OPHN1: variants seen among roughly 807,000 people sequenced by gnomAD.
OPHN1 encodes oligophrenin-1.
Under a neutral mutation model 60.7 loss-of-function variants are expected in OPHN1, and 11 were observed. That is an observed-to-expected ratio of 0.18 (90% CI 0.11 to 0.30). The LOEUF is 0.30. OPHN1 is among the 10% of genes least tolerant of loss of function. The pLI, the probability that OPHN1 is intolerant of heterozygous loss-of-function variation, is 1.00. For synonymous variants in OPHN1, 226 were observed against 222.6 expected, an observed-to-expected ratio of 1.02 and a Z score of -0.14; for missense variants, 449 against 611.0, an observed-to-expected ratio of 0.73 and a Z score of 2.80.
At chrX:68,077,012 G>A (rs5918810) in intron 19 of OPHN1, among the ~76,000 whole-genome samples, 54,759 of 110,520 alleles carry the variant, frequency 0.5, 11,666 homozygotes, top group South Asian at 0.72. Context: ...GTGTGGGAGT[G>A]GCCTGGAGAG....
At chrX:68,187,463 A>G (rs760826227) in intron 15 of OPHN1, among the ~76,000 whole-genome samples, 1 of 108,353 alleles carries the variant, frequency 9.2e-6, no homozygotes, top group South Asian at 4.3e-4. Context: ...TGAGACAAGG[A>G]AAGTTCTAGA....
chrX:68,154,936 T>C (rs1250239741), intron 15 of OPHN1, among the ~76,000 whole-genome samples: 2 of 107,214 alleles, frequency 1.9e-5, no homozygotes, highest in Non-Finnish European at 3.8e-5. Flanking sequence ...CTATTAAAGG[T>C]GAAGTCTATG....
chrX:68,113,983 A>AAG lies in OPHN1; in HGVS notation c.1362-745_1362-744insCT, dbSNP rs368004924. Among the ~76,000 whole-genome samples the AAG allele has an allele frequency of 1.1e-4, 7 of 63,747 alleles. No homozygotes were observed. The East Asian group carries it at 2.9e-3, about 26-fold the overall frequency. 55.4% of individuals were successfully genotyped at this position (63,747 alleles called of 115,157 possible). ...GTATAATAATAATAAAAAAAAAAAG[A>AAG]AAAAAAAAAACATTGGCTGAGCATT... On this transcript the variant is annotated intron_variant, in intron 16 of 24. Coordinates refer to ENST00000355520, the MANE Select transcript of OPHN1 (RefSeq NM_002547.3).
chrX:68,093,053 A>G (rs781524136), intron 19 of OPHN1, among the ~76,000 whole-genome samples: 1 of 111,212 alleles, frequency 9.0e-6, no homozygotes, highest in East Asian at 2.8e-4. Context: ...TGCTAGGATT[A>G]GAAAATTATT....
At chrX:68,324,613 C>CAG (rs1355587277) in intron 2 of OPHN1, among the ~76,000 whole-genome samples, 5 of 65,181 alleles carry the variant, frequency 7.7e-5, no homozygotes, top group African/African-American at 3.5e-4. Flanking sequence ...TACCTTTTCT[C>CAG]AAAAAAAAAA....
intron 21 of OPHN1, among the ~76,000 whole-genome samples, chrX:68,057,758 C>G (rs2076878610): frequency 1.8e-5 from 2 of 111,663 alleles, no homozygotes; most frequent in African/African-American, 6.5e-5. Flanking sequence ...GTGTCTCAGT[C>G]ACAGTTAAGC....
chrX:68,259,963 A>G (rs188716047), intron 5 of OPHN1, among the ~76,000 whole-genome samples: 1 of 111,966 alleles, frequency 8.9e-6, no homozygotes, highest in East Asian at 2.8e-4. Flanking sequence ...GGAAGGTGCT[A>G]CAAAGGAGAT....
intron 6 of OPHN1, among the ~76,000 whole-genome samples, chrX:68,219,730 A>C (rs2077641495): frequency 9.3e-6 from 1 of 107,543 alleles, no homozygotes; most frequent in African/African-American, 3.4e-5. Context: ...CTTTGAAACC[A>C]ATGAGAACAA....
At chrX:68,396,910 T>G (rs1462248231) in intron 2 of OPHN1, among the ~76,000 whole-genome samples, 1 of 111,947 alleles carries the variant, frequency 8.9e-6, no homozygotes, top group Non-Finnish European at 1.9e-5. Context: ...TACCCGTTAC[T>G]CCTCTCCCAT....
chrX:68,182,385 GAC>G (rs766389473), intron 15 of OPHN1, among the ~76,000 whole-genome samples: 297 of 107,762 alleles, frequency 2.8e-3, no homozygotes, highest in African/African-American at 9.7e-3. Flanking sequence ...ATGAGAGAGA[GAC>G]AGAGAGAAAG....
intron 2 of OPHN1, among the ~76,000 whole-genome samples, chrX:68,333,255 A>AAAT (rs541199386): frequency 0.018 from 1,911 of 108,091 alleles, 38 homozygotes; most frequent in African/African-American, 0.048. Flanking sequence ...CCATCTCTAC[A>AAAT]AATAATAATA....
Position 68,045,341 on chromosome X carries a change from C to CCAATAAACCA in OPHN1, c.*1821_*1830dup, listed in dbSNP as rs1329719966. 1.8e-5 allele frequency: 2 copies of CCAATAAACCA among 112,386 alleles called. No homozygotes were observed. Among genetic ancestry groups the CCAATAAACCA allele is most frequent in the African/African-American group, 3.2e-5 (1 of 30,943 alleles). 9.3% of individuals were successfully genotyped at this position (112,386 alleles called of 1,213,427 possible). A position where few individuals can be genotyped will look rare whatever the true frequency, so the allele number is the denominator to read the frequency against. ...CTTGGCCTTACATGTTCCTAACTCA[C>CCAATAAACCA]CAATAAACCATGTTTGGAATTCAGT... On this transcript the variant is annotated 3_prime_UTR_variant, in exon 25 of 25. Coordinates refer to ENST00000355520, the MANE Select transcript of OPHN1 (RefSeq NM_002547.3).
chrX:68,243,056 C>T (rs908122988), intron 5 of OPHN1, among the ~76,000 whole-genome samples: 6 of 110,576 alleles, frequency 5.4e-5, no homozygotes, highest in Middle Eastern at 9.2e-3. Flanking sequence ...TTAGTGCAGA[C>T]GGGGTTTTAC....
At chrX:68,349,300 T>C (rs1363801928) in intron 2 of OPHN1, among the ~76,000 whole-genome samples, 1 of 111,414 alleles carries the variant, frequency 9.0e-6, no homozygotes, top group Admixed American at 9.6e-5. Flanking sequence ...AACAGACATA[T>C]GAAAAAATGC....
chrX:68,091,958 A>G (rs2077020195), intron 19 of OPHN1, among the ~76,000 whole-genome samples: 1 of 111,235 alleles, frequency 9.0e-6, no homozygotes, highest in Admixed American at 9.6e-5. Context: ...TTCCAACTTA[A>G]AAAAGAAAAA....
At chrX:68,369,432 C>T (rs990493103) in intron 2 of OPHN1, among the ~76,000 whole-genome samples, 7 of 111,057 alleles carry the variant, frequency 6.3e-5, no homozygotes, top group Non-Finnish European at 1.1e-4. Flanking sequence ...TTTTCAACAA[C>T]AACAAAAAAA....
At chrX:68,170,058 C>G (rs1282447253) in intron 15 of OPHN1, among the ~76,000 whole-genome samples, 3 of 109,465 alleles carry the variant, frequency 2.7e-5, no homozygotes, top group Non-Finnish European at 3.8e-5. Flanking sequence ...TATCCAGAAT[C>G]TACAATGAAC....
chrX:68,099,903 C>T (rs745355583), intron 18 of OPHN1, among the ~76,000 whole-genome samples: 9 of 112,011 alleles, frequency 8.0e-5, no homozygotes, highest in Non-Finnish European at 1.5e-4. Flanking sequence ...GAATGAGAGG[C>T]TATCTGTATG....
At chrX:68,203,713 C>A (rs1569241992) in intron 10 of OPHN1, among the ~76,000 whole-genome samples, 1 of 112,034 alleles carries the variant, frequency 8.9e-6, no homozygotes, top group East Asian at 2.8e-4. Flanking sequence ...CCCTACAATG[C>A]AAAAGTACTC....
Sources: allele counts gnomAD v4.1 joint callset (sites outside exome capture counted in the v4.1 genomes callset), GRCh38; gene constraint gnomAD v4.1.1; transcripts MANE v1.5; gene names NCBI Gene and HGNC (gene_info 2026-07-23, HGNC 2026-07-21).